The following RUFY4 variants were observed in gnomAD, a reference collection of about 807,000 sequenced individuals.
RUFY4 encodes RUN and FYVE domain containing 4, also known as RUN and FYVE domain-containing protein 4.
In RUFY4, 73 loss-of-function variants were observed where a neutral mutation model predicts 69.0. That is an observed-to-expected ratio of 1.06 (90% confidence interval 0.88 to 1.29). The LOEUF (loss-of-function observed/expected upper bound fraction) is 1.29, where lower values mean the gene tolerates loss of function less well. RUFY4 is among the 50% of genes most tolerant of loss of function. The pLI, the probability that RUFY4 is intolerant of heterozygous loss-of-function variation, is 0.00. For synonymous variants in RUFY4, 287 were observed against 271.8 expected (o/e 1.06, Z -0.55); for missense variants, 770 against 705.6 (o/e 1.09, Z -1.03).
intron 2 of RUFY4, among the ~76,000 whole-genome samples, chr2:218,055,266 G>A (rs766453612): frequency 1.3e-5 from 2 of 152,030 alleles, no homozygotes; most frequent in Non-Finnish European, 2.9e-5. Flanking sequence ...GTCATGGCAG[G>A]CACCTGTAGT....
chr2:218,049,847 T>C (rs1489155854), intron 2 of RUFY4, among the ~76,000 whole-genome samples: 1 of 152,178 alleles, frequency 6.6e-6, no homozygotes, highest in Non-Finnish European at 1.5e-5. Flanking sequence ...ATCTTTGAGT[T>C]TGATGAATAG....
chr2:218,089,149 G>T, intron 9 of RUFY4, 103 bp from the exon 12 acceptor site: 1 of 844,146 alleles, frequency 1.2e-6, no homozygotes, highest in South Asian at 1.6e-5. Context: ...CTCTCTGTGT[G>T]ATTCCGTCTG....
chr2:218,089,820 C>G, intron 10 of RUFY4, 132 bp from the exon 13 acceptor site: 1 of 753,410 alleles, frequency 1.3e-6, no homozygotes, highest in Non-Finnish European at 2.4e-6. Flanking sequence ...AAACCAAGGG[C>G]ATTCCACTGG....
chr2:218,072,845 G>C (rs977400836), exon 4 of RUFY4: 2 of 1,536,004 alleles, frequency 1.3e-6, no homozygotes, highest in African/African-American at 2.7e-5. Context: ...GCAGCTGGCT[G>C]AGGCCCTGCA....
chr2:218,062,236 A>G (rs1689213016), intron 3 of RUFY4, among the ~76,000 whole-genome samples: 1 of 151,946 alleles, frequency 6.6e-6, no homozygotes, highest in Non-Finnish European at 1.5e-5. Context: ...CGTCTCTACT[A>G]AAAATATTTT....
At chr2:218,068,257 G>T (rs114299640), upstream of RUFY4, among the ~76,000 whole-genome samples, 343 of 151,292 alleles carry the variant, frequency 2.3e-3, 5 homozygotes, top group South Asian at 0.042. Context: ...AGGGAGGCAG[G>T]GGGCTGGAGA....
intron 9 of RUFY4, 117 bp from the exon 12 acceptor site, chr2:218,089,135 C>G: frequency 1.3e-6 from 1 of 751,188 alleles, no homozygotes; most frequent in Non-Finnish European, 2.2e-6. Flanking sequence ...CTGTCTCTCT[C>G]TTCCTCTCTG....
At chr2:218,070,617 G>C in exon 1 of RUFY4, 3 of 1,537,606 alleles carry the variant, frequency 2.0e-6, no homozygotes, top group Non-Finnish European at 8.7e-7. Context: ...TGGCAGAAGA[G>C]GGAGCCATCC....
chr2:218,045,014 C>G (rs993817536), intron 2 of RUFY4, among the ~76,000 whole-genome samples: 1 of 152,002 alleles, frequency 6.6e-6, no homozygotes, highest in African/African-American at 2.4e-5. Flanking sequence ...GAGGAATTAC[C>G]ACACTGTCTG....
chr2:218,074,028 G>A, intron 6 of RUFY4, 143 bp downstream of exon 8: 3 of 816,978 alleles, frequency 3.7e-6, no homozygotes, highest in South Asian at 3.0e-5. Flanking sequence ...GCCAGTGTGT[G>A]GAGCAGGGGA....
chr2:218,089,758 G>A (rs746776398), intron 10 of RUFY4, 194 bp from the exon 13 acceptor site: 2 of 705,828 alleles, frequency 2.8e-6, no homozygotes, highest in Non-Finnish European at 5.2e-6. Flanking sequence ...TGGAGGCTCT[G>A]GAGGGGTCGG....
At chr2:218,043,500 G>C (rs534983361) in intron 2 of RUFY4, among the ~76,000 whole-genome samples, 12 of 152,198 alleles carry the variant, frequency 7.9e-5, no homozygotes, top group African/African-American at 2.9e-4. Context: ...AGAGAGAGTA[G>C]GTCCTCTCTG....
chr2:218,067,630 G>A (rs2106042699), upstream of RUFY4, among the ~76,000 whole-genome samples: 1 of 152,230 alleles, frequency 6.6e-6, no homozygotes, highest in South Asian at 2.1e-4. Context: ...GGAGTCACAG[G>A]CAAGCTCCAG....
chr2:218,073,512 C>T (rs746777319), intron 5 of RUFY4, 126 bp downstream of exon 7: 3 of 1,317,794 alleles, frequency 2.3e-6, no homozygotes, highest in African/African-American at 1.5e-5. Flanking sequence ...TTGCTCCATG[C>T]CTTTGGATTC....
intron 2 of RUFY4, among the ~76,000 whole-genome samples, chr2:218,052,782 A>T: frequency 6.7e-6 from 1 of 150,246 alleles, no homozygotes; most frequent in African/African-American, 2.4e-5. Flanking sequence ...TTGTGCTGTT[A>T]ATATTAATAA....
intron 2 of RUFY4, among the ~76,000 whole-genome samples, chr2:218,037,106 G>A (rs1454184627): frequency 6.6e-6 from 1 of 152,102 alleles, no homozygotes; most frequent in Non-Finnish European, 1.5e-5. Flanking sequence ...ATCACTTGAG[G>A]TCAGGAGTTC....
exon 10 of RUFY4, chr2:218,089,349 C>G: frequency 1.9e-6 from 3 of 1,613,772 alleles, no homozygotes; most frequent in Non-Finnish European, 2.5e-6. Flanking sequence ...ATTTTCTCGG[C>G]GGTATCCATG....
chr2:218,066,373 G>A (rs536877173), upstream of RUFY4, among the ~76,000 whole-genome samples: 3 of 151,622 alleles, frequency 2.0e-5, no homozygotes, highest in Non-Finnish European at 4.4e-5. Context: ...TAGTAGGGAC[G>A]GGGTTTTGCC....
intron 2 of RUFY4, among the ~76,000 whole-genome samples, chr2:218,049,640 G>A (rs1287300507): frequency 1.3e-5 from 2 of 152,036 alleles, no homozygotes; most frequent in Admixed American, 6.6e-5. Flanking sequence ...CCAAGTAGCT[G>A]GGATTACAGG....
Sources: allele counts gnomAD v4.1 joint callset (sites outside exome capture counted in the v4.1 genomes callset), GRCh38; gene constraint gnomAD v4.1.1; transcripts MANE v1.5; gene names NCBI Gene and HGNC (gene_info 2026-07-23, HGNC 2026-07-21).